LIN54: variants seen among roughly 807,000 people sequenced by gnomAD.
The protein encoded by LIN54 is lin-54 DREAM MuvB core complex component.
LIN54 carries 9 observed loss-of-function variants against 78.7 expected under a neutral mutation model. That is an observed-to-expected ratio of 0.11 (90% CI 0.07 to 0.20). The LOEUF is 0.20. Ranked by LOEUF, LIN54 falls within the 10% of genes least tolerant of loss-of-function variation. The pLI, the probability that LIN54 is intolerant of heterozygous loss-of-function variation, is 1.00. For synonymous variants in LIN54, 269 were observed against 318.4 expected, an observed-to-expected ratio of 0.84 and a Z score of 1.65; for missense variants, 573 against 889.9, an observed-to-expected ratio of 0.64 and a Z score of 4.53.
At chr4:83,005,185 C>T (rs912376707) in intron 1 of LIN54, among the ~76,000 whole-genome samples, 4 of 152,090 alleles carry the variant, frequency 2.6e-5, no homozygotes, top group Admixed American at 2.0e-4. Flanking sequence ...CATGAGCCAC[C>T]GCACCTGGCC....
At chr4:82,995,485 ATCTCT>A (rs1728119838) in intron 1 of LIN54, among the ~76,000 whole-genome samples, 1 of 95,046 alleles carries the variant, frequency 1.1e-5, no homozygotes, top group African/African-American at 4.3e-5. Flanking sequence ...ACACATCCTT[ATCTCT>A]TTTTTTTTTT....
chr4:82,979,959 A>AAAAAAAAAAT (rs1159867846), intron 2 of LIN54, among the ~76,000 whole-genome samples: 2 of 149,074 alleles, frequency 1.3e-5, no homozygotes, highest in Non-Finnish European at 3.0e-5. Context: ...AAAAAAAAAA[A>AAAAAAAAAAT]AAAAAAATAC....
intron 4 of LIN54, among the ~76,000 whole-genome samples, chr4:82,954,467 G>A (rs1724119158): frequency 6.6e-6 from 1 of 151,020 alleles, no homozygotes; most frequent in African/African-American, 2.4e-5. Context: ...TTCCAGGCTG[G>A]AGTTCAGTGG....
intron 5 of LIN54, among the ~76,000 whole-genome samples, chr4:82,944,433 G>GT (rs1723188388): frequency 6.6e-6 from 1 of 152,014 alleles, no homozygotes; most frequent in African/African-American, 2.4e-5. Context: ...ACCCTGCTAA[G>GT]TTTAAGTATT....
chr4:82,999,094 T>G (rs1728512553), intron 1 of LIN54, among the ~76,000 whole-genome samples: 1 of 152,212 alleles, frequency 6.6e-6, no homozygotes, highest in Admixed American at 6.5e-5. Flanking sequence ...ATTGTCTGTT[T>G]CCACATGAGC....
rs1167474565 is a variant in LIN54 at position 82,939,577 on chromosome 4, C to T, written c.1402G>A (p.Val468Met). ...TGAGCTGGAAGCACTGCATAACCCA[C>T]ATTCCCTGTTCCCGGAGCTGGTGCC... Reference protein sequence around the residue: ...VLAPAPGTGNVGYAVLPAQYV... With the variant: ...VLAPAPGTGNMGYAVLPAQYV... Residue 468 changes from valine (V) to methionine (M), a missense_variant, in exon 7 of 13, where the codon GTG becomes ATG. Transcript: ENST00000340417. 1.9e-6 allele frequency: 3 copies of T among 1,614,106 alleles called. No individual in the cohort carries two copies. Among genetic ancestry groups the T allele is most frequent in the South Asian group, 2.2e-5 (2 of 91,076 alleles).
At chr4:82,958,967 G>T (rs1179537208) in intron 4 of LIN54, among the ~76,000 whole-genome samples, 1 of 152,168 alleles carries the variant, frequency 6.6e-6, no homozygotes, top group Non-Finnish European at 1.5e-5. Context: ...CTCCCAAAGT[G>T]CTGGAATTAC....
In LIN54 at chr4:82,984,292, C is replaced by G. The variant is rs1726930238; in HGVS notation, c.553G>C (p.Val185Leu). Residue 185 changes from valine (V) to leucine (L), a missense_variant, in exon 2 of 13, where the codon GTA becomes CTA. Val to Leu is a conservative substitution (Grantham distance 32). Around this residue, in one of 6 missense-constraint regions of LIN54, gnomAD observed 183 missense variants for 228.4 expected, o/e 0.80. Transcript: ENST00000340417. Reference protein sequence around the residue: ...DAKLPPQQIKVVTIGGRPEVK... With the variant: ...DAKLPPQQIKLVTIGGRPEVK... ...TCTGGCCTCCCTCCAATGGTAACTA[C>G]TTTAATTTGCTGCGGTGGTAACTTA... 1 of 1,614,046 alleles carries G rather than the reference C, an allele frequency of 6.2e-7. No individual in the cohort carries two copies. Among genetic ancestry groups the G allele is most frequent in the Admixed American group, 1.7e-5 (1 of 59,994 alleles).
At chr4:82,940,177 A>G (rs1172323666) in intron 5 of LIN54, among the ~76,000 whole-genome samples, 1 of 152,204 alleles carries the variant, frequency 6.6e-6, no homozygotes, top group East Asian at 1.9e-4. Flanking sequence ...GCTACAGTCT[A>G]TCCACTTTGT....
At chr4:82,989,190 GAA>G (rs1372714778) in intron 1 of LIN54, among the ~76,000 whole-genome samples, 1 of 139,472 alleles carries the variant, frequency 7.2e-6, no homozygotes. Context: ...TCTCTCTCAA[GAA>G]AAAAAAAAAA....
intron 11 of LIN54, among the ~76,000 whole-genome samples, chr4:82,935,487 C>T (rs1269027198): frequency 6.6e-6 from 1 of 151,602 alleles, no homozygotes; most frequent in Non-Finnish European, 1.5e-5. Context: ...GGGGTTTCAC[C>T]ATGTTGACCA....
At chr4:82,965,902 CAAG>C (rs1295432568) in intron 4 of LIN54, among the ~76,000 whole-genome samples, 2 of 152,180 alleles carry the variant, frequency 1.3e-5, no homozygotes, top group Non-Finnish European at 2.9e-5. Context: ...TCAATAGAAA[CAAG>C]GAGATCTTCA....
chr4:82,951,775 A>G (rs191419922), intron 4 of LIN54, among the ~76,000 whole-genome samples: 35 of 152,250 alleles, frequency 2.3e-4, no homozygotes, highest in African/African-American at 7.9e-4. Flanking sequence ...ATTAAAATAT[A>G]TAGACTAATA....
chr4:82,935,261 T>TA (rs1248447534), intron 11 of LIN54, among the ~76,000 whole-genome samples: 1 of 146,912 alleles, frequency 6.8e-6, no homozygotes, highest in Admixed American at 6.8e-5. Flanking sequence ...TTTGTATCCA[T>TA]ATATATATAT....
intron 4 of LIN54, among the ~76,000 whole-genome samples, chr4:82,954,500 C>T (rs1384182021): frequency 6.6e-6 from 1 of 151,942 alleles, no homozygotes; most frequent in Non-Finnish European, 1.5e-5. Flanking sequence ...TCACTGCAAC[C>T]TCTGCCTCCC....
intron 1 of LIN54, among the ~76,000 whole-genome samples, chr4:82,989,793 C>T (rs1378343822): frequency 6.6e-6 from 1 of 151,566 alleles, no homozygotes; most frequent in Non-Finnish European, 1.5e-5. Flanking sequence ...AGCATTAACC[C>T]CTGCAGCTCA....
intron 1 of LIN54, among the ~76,000 whole-genome samples, chr4:82,992,490 C>T (rs542946050): frequency 4.6e-5 from 7 of 152,072 alleles, no homozygotes; most frequent in Non-Finnish European, 1.0e-4. Flanking sequence ...GTCGGGACAA[C>T]ATATCAAGAC....
intron 4 of LIN54, among the ~76,000 whole-genome samples, chr4:82,961,692 C>T (rs973672383): frequency 3.3e-5 from 5 of 152,154 alleles, no homozygotes; most frequent in African/African-American, 1.2e-4. Context: ...TGGTGGCTCA[C>T]GCCTGTAATC....
chr4:82,979,494 AAATATC>A (rs1366583272), intron 2 of LIN54, among the ~76,000 whole-genome samples: 2 of 152,202 alleles, frequency 1.3e-5, no homozygotes, highest in East Asian at 3.8e-4. Flanking sequence ...CTTTAGATCT[AAATATC>A]AGGAGTAGAT....
Sources: allele counts gnomAD v4.1 joint callset (sites outside exome capture counted in the v4.1 genomes callset), GRCh38; gene constraint gnomAD v4.1.1; regional missense constraint gnomAD v4.1.1; transcripts MANE v1.5; gene names NCBI Gene and HGNC (gene_info 2026-07-23, HGNC 2026-07-21).